Variants in LOC400499 observed in about 807,000 individuals in gnomAD.
At chr16:11,427,529 C>T in the LOC400499 span, among the ~76,000 whole-genome samples, 1 of 151,908 alleles carries the variant, frequency 6.6e-6, no homozygotes, top group Non-Finnish European at 1.5e-5. Context: ...ACTGCAATGT[C>T]CACCTCCCAG....
the LOC400499 span, among the ~76,000 whole-genome samples, chr16:11,464,823 C>T: frequency 6.6e-6 from 1 of 152,178 alleles, no homozygotes; most frequent in African/African-American, 2.4e-5. Context: ...GGAAGATCCA[C>T]GGGGAGGTAG....
the LOC400499 span, among the ~76,000 whole-genome samples, chr16:11,500,604 G>A: frequency 3.0e-3 from 464 of 152,146 alleles, 5 homozygotes; most frequent in African/African-American, 0.011. Flanking sequence ...GCACATTGCT[G>A]ACCCTTGAAC....
chr16:11,439,717 T>G, the LOC400499 span: 2 of 388,004 alleles, frequency 5.2e-6, no homozygotes, highest in Non-Finnish European at 9.1e-6. Flanking sequence ...TCCCTTAATA[T>G]TCCTCAGCCC....
At chr16:11,383,025 C>T in the LOC400499 span, among the ~76,000 whole-genome samples, 1 of 151,304 alleles carries the variant, frequency 6.6e-6, no homozygotes, top group Non-Finnish European at 1.5e-5. Context: ...AGGAAGCTTA[C>T]AATCATGGCA....
the LOC400499 span, among the ~76,000 whole-genome samples, chr16:11,451,835 G>T: frequency 6.6e-6 from 1 of 152,160 alleles, no homozygotes; most frequent in Admixed American, 6.5e-5. Flanking sequence ...CACAGTGACG[G>T]GAAGGAGGAG....
the LOC400499 span, among the ~76,000 whole-genome samples, chr16:11,447,065 T>C: frequency 1.3e-5 from 2 of 152,178 alleles, no homozygotes; most frequent in Non-Finnish European, 2.9e-5. Flanking sequence ...CTGGCAGCCC[T>C]ATGCTTTACA....
chr16:11,409,773 T>G, the LOC400499 span, among the ~76,000 whole-genome samples: 1 of 152,194 alleles, frequency 6.6e-6, no homozygotes, highest in Non-Finnish European at 1.5e-5. Context: ...TTACAGGAAA[T>G]AGTTGAAGTA....
chr16:11,433,986 G>A, the LOC400499 span, among the ~76,000 whole-genome samples: 2 of 152,306 alleles, frequency 1.3e-5, no homozygotes, highest in South Asian at 2.1e-4. Flanking sequence ...CAAGATGGGA[G>A]GAGGTTATGG....
At chr16:11,384,732 G>A in the LOC400499 span, among the ~76,000 whole-genome samples, 5 of 152,366 alleles carry the variant, frequency 3.3e-5, no homozygotes, top group Middle Eastern at 0.014. Flanking sequence ...CATGAGGCTA[G>A]ATGAGGAGTT....
At chr16:11,496,480 T>C in the LOC400499 span, among the ~76,000 whole-genome samples, 64 of 152,342 alleles carry the variant, frequency 4.2e-4, no homozygotes, top group Non-Finnish European at 7.5e-4. Flanking sequence ...TGTGTGTGCA[T>C]ATTGGTGTGT....
chr16:11,472,840 T>C, the LOC400499 span: 13 of 152,136 alleles, frequency 8.5e-5, no homozygotes, highest in Admixed American at 8.5e-4. Context: ...TAAAAATATA[T>C]TTGTTAGCTG....
chr16:11,448,741 G>C, the LOC400499 span, among the ~76,000 whole-genome samples: 2 of 151,922 alleles, frequency 1.3e-5, no homozygotes, highest in Non-Finnish European at 2.9e-5. Context: ...TATAAGAAAA[G>C]AAGGAAAAGG....
At chr16:11,501,281 C>T in the LOC400499 span, among the ~76,000 whole-genome samples, 1 of 152,194 alleles carries the variant, frequency 6.6e-6, no homozygotes, top group Admixed American at 6.5e-5. Flanking sequence ...GTAAAAATCC[C>T]TAGCGGAACA....
chr16:11,515,180 G>A, the LOC400499 span, among the ~76,000 whole-genome samples: 1 of 152,212 alleles, frequency 6.6e-6, no homozygotes, highest in South Asian at 2.1e-4. Flanking sequence ...GCATAGTGGT[G>A]TGTGCCTGTA....
chr16:11,517,691 C>A, the LOC400499 span, among the ~76,000 whole-genome samples: 1 of 152,294 alleles, frequency 6.6e-6, no homozygotes, highest in African/African-American at 2.4e-5. Flanking sequence ...AGGGAAGGAG[C>A]TGGCACCAGA....
At chr16:11,466,209 T>A in the LOC400499 span, among the ~76,000 whole-genome samples, 6 of 152,046 alleles carry the variant, frequency 3.9e-5, no homozygotes, top group African/African-American at 1.4e-4. Context: ...AAAAAATCCC[T>A]AACAGTGGTT....
At chr16:11,445,323 A>T in the LOC400499 span, among the ~76,000 whole-genome samples, 415 of 152,162 alleles carry the variant, frequency 2.7e-3, 3 homozygotes, top group Non-Finnish European at 3.7e-3. Flanking sequence ...TGGGAGGCTG[A>T]GGCAGAAGAA....
chr16:11,414,854 T>C, the LOC400499 span, among the ~76,000 whole-genome samples: 61 of 152,372 alleles, frequency 4.0e-4, no homozygotes, highest in African/African-American at 1.4e-3. Context: ...CCCATCTCCC[T>C]GGAGTGTGGT....
the LOC400499 span, among the ~76,000 whole-genome samples, chr16:11,521,623 T>G: frequency 6.6e-6 from 1 of 152,182 alleles, no homozygotes; most frequent in Non-Finnish European, 1.5e-5. Flanking sequence ...CCCTTGGACT[T>G]GCAGACATGG....
Sources: gnomAD v4.1 joint callset for allele counts (sites outside exome capture counted in the v4.1 genomes callset) on GRCh38, gnomAD v4.1.1 for gene constraint, MANE v1.5 for transcripts.